The following CACNA1A variants were observed in gnomAD, a reference collection of about 807,000 sequenced individuals.
CACNA1A encodes voltage-dependent P/Q-type calcium channel subunit alpha-1A.
CACNA1A carries 57 observed loss-of-function variants against 262.4 expected under a neutral mutation model. That is an observed-to-expected ratio of 0.22 (90% CI 0.18 to 0.27). CACNA1A has a LOEUF of 0.27. Ranked by LOEUF, CACNA1A falls within the 10% of genes least tolerant of loss-of-function variation. The probability of loss-of-function intolerance (pLI) is 1.00; values close to 1 mark genes in which losing one functional copy is unlikely to be tolerated. For synonymous variants in CACNA1A, 1,431 were observed against 1,419.3 expected, an observed-to-expected ratio of 1.01 and a Z score of -0.18; for missense variants, 2,526 against 3,562.8, an observed-to-expected ratio of 0.71 and a Z score of 7.41.
At chr19:13,497,488 CAAAAAAAAAAAAAAAAAAAA>C (rs59964256) in intron 1 of CACNA1A, among the ~76,000 whole-genome samples, 50 of 3,976 alleles carry the variant, frequency 0.013, no homozygotes, top group African/African-American at 0.05. Flanking sequence ...AACTCCATCT[CAAAAAAAAAAAAAAAAAAAA>C]AAAAAAAAAA....
In CACNA1A at chr19:13,374,974, A is replaced by C. The variant is rs144269565; in HGVS notation, c.540-3195T>G. ...ACGTGAGCCACCACACCGGCCGAGG[A>C]AGACTTCATTTCATTGTGCTTTGCT... On this transcript the variant is annotated intron_variant, in intron 3 of 46. Transcript: ENST00000360228. Among the ~76,000 whole-genome samples the C allele has an allele frequency of 7.2e-5, 11 of 152,236 alleles. 1 individual carries two copies. Among genetic ancestry groups the C allele is most frequent in the African/African-American group, 2.4e-4 (10 of 41,538 alleles).
chr19:13,378,746 T>TCC (rs200992745), intron 3 of CACNA1A, among the ~76,000 whole-genome samples: 65 of 151,336 alleles, frequency 4.3e-4, no homozygotes, highest in South Asian at 2.7e-3. Context: ...CACTGCAATC[T>TCC]CCCCCCCGCC....
At chr19:13,490,686 A>G (rs888775794) in intron 1 of CACNA1A, among the ~76,000 whole-genome samples, 6 of 104,044 alleles carry the variant, frequency 5.8e-5, no homozygotes, top group Non-Finnish European at 9.4e-5. Flanking sequence ...GAGAGAGAGA[A>G]AGAAAGGAAA....
At chr19:13,425,851 T>C (rs1245279164) in intron 3 of CACNA1A, among the ~76,000 whole-genome samples, 1 of 151,454 alleles carries the variant, frequency 6.6e-6, no homozygotes, top group Non-Finnish European at 1.5e-5. Context: ...AGGTCAGGAG[T>C]TCAAAACCAG....
At chr19:13,380,116 T>A (rs2059491174) in intron 3 of CACNA1A, among the ~76,000 whole-genome samples, 1 of 132,032 alleles carries the variant, frequency 7.6e-6, no homozygotes, top group Non-Finnish European at 1.6e-5. Flanking sequence ...AAAACCCGTC[T>A]CTACTAAAAA....
chr19:13,394,452 C>T (rs2059775270), intron 3 of CACNA1A, among the ~76,000 whole-genome samples: 1 of 152,142 alleles, frequency 6.6e-6, no homozygotes, highest in South Asian at 2.1e-4. Context: ...TCTCGAGGAC[C>T]AGGTGAAGGT....
chr19:13,402,552 A>C (rs1305535484), intron 3 of CACNA1A, among the ~76,000 whole-genome samples: 1 of 151,842 alleles, frequency 6.6e-6, no homozygotes, highest in Non-Finnish European at 1.5e-5. Context: ...AAATTAAAAA[A>C]AAGAAAAAAG....
chr19:13,393,050 T>C (rs1394706204), intron 3 of CACNA1A, among the ~76,000 whole-genome samples: 2 of 152,220 alleles, frequency 1.3e-5, no homozygotes, highest in Non-Finnish European at 2.9e-5. Flanking sequence ...ATTACAGGCA[T>C]GAGCCACTGT....
chr19:13,468,180 T>A (rs2061288664), intron 1 of CACNA1A, among the ~76,000 whole-genome samples: 1 of 151,584 alleles, frequency 6.6e-6, no homozygotes, highest in Non-Finnish European at 1.5e-5. Context: ...AAAGTATTAA[T>A]CAATTTCAGA....
At chr19:13,390,218 G>A (rs1426975882) in intron 3 of CACNA1A, among the ~76,000 whole-genome samples, 1 of 151,016 alleles carries the variant, frequency 6.6e-6, no homozygotes, top group African/African-American at 2.4e-5. Flanking sequence ...CTGGGCTCAA[G>A]CAATCCTGTC....
At chr19:13,412,912 G>A (rs1205405989) in intron 3 of CACNA1A, among the ~76,000 whole-genome samples, 1 of 152,144 alleles carries the variant, frequency 6.6e-6, no homozygotes, top group Non-Finnish European at 1.5e-5. Flanking sequence ...ACATGTTATG[G>A]TGTGACTTAA....
At chr19:13,345,690 A>G (rs2058750891) in intron 6 of CACNA1A, among the ~76,000 whole-genome samples, 1 of 152,198 alleles carries the variant, frequency 6.6e-6, no homozygotes, top group African/African-American at 2.4e-5. Context: ...TTTCTCCAGT[A>G]TATGGGATAA....
chr19:13,222,428 C>T (rs995495473), intron 38 of CACNA1A, among the ~76,000 whole-genome samples: 18 of 130,910 alleles, frequency 1.4e-4, no homozygotes, highest in African/African-American at 4.5e-4. Context: ...TGAAGTCTCA[C>T]TCTGTCACCC....
At chr19:13,390,159 C>T (rs1334343088) in intron 3 of CACNA1A, among the ~76,000 whole-genome samples, 1 of 151,974 alleles carries the variant, frequency 6.6e-6, no homozygotes, top group African/African-American at 2.4e-5. Flanking sequence ...CTCTGTCACC[C>T]AGACTGGAGT....
intron 10 of CACNA1A, among the ~76,000 whole-genome samples, chr19:13,328,485 G>A (rs1600342433): frequency 6.6e-6 from 1 of 152,304 alleles, no homozygotes; most frequent in Non-Finnish European, 1.5e-5. Context: ...TGGCCTGGGT[G>A]GGGAATCCAT....
At chr19:13,383,557 C>T (rs1440664119) in intron 3 of CACNA1A, among the ~76,000 whole-genome samples, 1 of 152,150 alleles carries the variant, frequency 6.6e-6, no homozygotes, top group Non-Finnish European at 1.5e-5. Context: ...CCACCTTGTC[C>T]CACAACACCC....
At chr19:13,321,915 A>G (rs1226888132) in intron 10 of CACNA1A, among the ~76,000 whole-genome samples, 1 of 152,144 alleles carries the variant, frequency 6.6e-6, no homozygotes, top group Non-Finnish European at 1.5e-5. Flanking sequence ...AAAATAAAGT[A>G]ATTAGGGCCA....
chr19:13,447,608 A>AAGCC (rs1378167533), intron 3 of CACNA1A, among the ~76,000 whole-genome samples: 1 of 152,222 alleles, frequency 6.6e-6, no homozygotes, highest in African/African-American at 2.4e-5. Context: ...AAGAGCAAGG[A>AAGCC]AGCCAGTGGT....
chr19:13,397,696 CAGTT>C (rs1204905526), intron 3 of CACNA1A, among the ~76,000 whole-genome samples: 27 of 152,292 alleles, frequency 1.8e-4, no homozygotes, highest in African/African-American at 6.0e-4. Context: ...CCTGGATGCT[CAGTT>C]AGACTCCATT....
Sources: allele counts gnomAD v4.1 joint callset (sites outside exome capture counted in the v4.1 genomes callset), GRCh38; gene constraint gnomAD v4.1.1; transcripts MANE v1.5; gene names NCBI Gene and HGNC (gene_info 2026-07-23, HGNC 2026-07-21).